CDC73: variants seen among roughly 807,000 people sequenced by gnomAD.
CDC73 encodes cell division cycle 73.
In CDC73, 21 loss-of-function variants were observed where a neutral mutation model predicts 83.7. The observed-to-expected ratio is 0.25, with a 90% CI of 0.18 to 0.36. The LOEUF is 0.36. Among genes scored for constraint, CDC73 ranks in the 10% least tolerant of loss-of-function variants. The pLI is 1.00. For synonymous variants in CDC73, 224 were observed against 212.9 expected (o/e 1.05, Z -0.45); for missense variants, 342 against 653.3 (o/e 0.52, Z 5.19).
chr1:193,204,776 A>G (rs1677158741), intron 11 of CDC73, among the ~76,000 whole-genome samples: 1 of 152,232 alleles, frequency 6.6e-6, no homozygotes, highest in Non-Finnish European at 1.5e-5. Context: ...TTTTAGAAAC[A>G]TGTTTTAAAA....
At chr1:193,241,178 T>A (rs1041944541) in intron 15 of CDC73, among the ~76,000 whole-genome samples, 3 of 152,216 alleles carry the variant, frequency 2.0e-5, no homozygotes, top group Admixed American at 2.0e-4. Flanking sequence ...AGGGGAGGAC[T>A]TTTCCCCGAA....
Position 193,233,184 on chromosome 1 carries a change from C to CA in CDC73, c.1316+31dup, listed in dbSNP as rs769599418. The CA allele has an allele frequency of 7.0e-6, 11 of 1,582,412 alleles. No homozygotes were observed. The East Asian group carries it at 2.0e-4, about 29-fold the overall frequency. On this transcript the variant is annotated intron_variant, in intron 14 of 16. Transcript: ENST00000367435. ...GATAGTCTCTATATATATATCTTTT[C>CA]ACAGGTGTTGAACCCAAGAGAATGA... is the stretch of plus-strand genomic sequence containing the variant.
chr1:193,122,339 C>T lies in CDC73; in HGVS notation c.131+8C>T, dbSNP rs1675466806. The T allele has an allele frequency of 6.2e-7, 1 of 1,613,948 alleles. No individual in the cohort carries two copies. Among genetic ancestry groups the T allele is most frequent in the Middle Eastern group, 1.6e-4 (1 of 6,062 alleles). On this transcript the variant is annotated splice_region_variant and intron_variant, in intron 1 of 16. Coordinates refer to ENST00000367435, the MANE Select transcript of CDC73 (RefSeq NM_024529.5). ...CAACTATGTTGTTTGGGGGTAAGTC[C>T]GGCATGGCTGTGGCCCAGGGGTGGC...
chr1:193,251,650 A>G lies in CDC73; in HGVS notation c.*938A>G, dbSNP rs1332600514. The G allele has an allele frequency of 4.3e-6, 1 of 232,162 alleles. No homozygotes were observed. The highest frequency in any genetic ancestry group is 8.5e-6 in the Non-Finnish European group (1 of 117,104). The allele number at this position is 232,162 out of a possible 1,614,324, so 14.4% of individuals were successfully genotyped here. The stretch of plus-strand genomic sequence containing the variant: ...ATTGATAAACTCCCAGGCACCAAAG[A>G]AAACATTTGCTTAATTGTCTGAAAA... On this transcript the variant is annotated 3_prime_UTR_variant, in exon 17 of 17. Transcript: ENST00000367435.
At chr1:193,184,631 A>G (rs1485084362) in intron 10 of CDC73, among the ~76,000 whole-genome samples, 1 of 151,974 alleles carries the variant, frequency 6.6e-6, no homozygotes, top group Non-Finnish European at 1.5e-5. Flanking sequence ...GGTTTAATAG[A>G]AAAACTTACA....
Position 193,250,689 on chromosome 1 carries a change from C to T in CDC73, c.1573C>T (p.His525Tyr). Residue 525 changes from histidine (H) to tyrosine (Y), a missense_variant, in exon 17 of 17, where the codon CAT becomes TAT. Physicochemically the swap from His to Tyr is moderately conservative, Grantham distance 83. Coordinates refer to ENST00000367435, the MANE Select transcript of CDC73 (RefSeq NM_024529.5). ...TATTTTTTTCAGGTACATGGTAAAG[C>T]ATAAATCGCACTTGAGATTCTGAAT... ...WETLDRYMVK[H>Y]KSHLRF is the part of the protein sequence containing the mutation. 6.2e-7 allele frequency: 1 copy of T among 1,608,206 alleles called. No individual in the cohort carries two copies. Among genetic ancestry groups the T allele is most frequent in the Non-Finnish European group, 8.5e-7 (1 of 1,175,376 alleles).
intron 13 of CDC73, among the ~76,000 whole-genome samples, chr1:193,216,240 A>T (rs1677364794): frequency 6.6e-6 from 1 of 152,160 alleles, no homozygotes; most frequent in Admixed American, 6.5e-5. Context: ...CAATAAACAC[A>T]ATCAGAAATG....
chr1:193,178,348 A>G (rs1434604847), intron 10 of CDC73, among the ~76,000 whole-genome samples: 1 of 152,148 alleles, frequency 6.6e-6, no homozygotes, highest in African/African-American at 2.4e-5. Flanking sequence ...AACTTGAGAT[A>G]GGAAGAATTT....
At chr1:193,223,991 T>G (rs555788732) in intron 13 of CDC73, among the ~76,000 whole-genome samples, 53 of 152,104 alleles carry the variant, frequency 3.5e-4, no homozygotes, top group African/African-American at 1.0e-3. Context: ...AACATTTATC[T>G]TTATGTTGGA....
intron 15 of CDC73, among the ~76,000 whole-genome samples, chr1:193,240,083 G>A (rs1033170810): frequency 4.0e-5 from 6 of 151,714 alleles, no homozygotes; most frequent in African/African-American, 1.5e-4. Flanking sequence ...AACTTTTAAC[G>A]TTCCCACATA....
At position 193,210,215 on chromosome 1, in the gene CDC73, C is replaced by T. The variant is rs371020777; in HGVS notation, c.1031-1850C>T. On this transcript the variant is annotated intron_variant, in intron 11 of 16. Transcript: ENST00000367435. ...GCTGGGAAGGTCATACTACTGAATC[C>T]TATGACAGTTTATCACAATGAGAGA... 8.4e-4 allele frequency among the ~76,000 whole-genome samples: 128 copies of T among 152,240 alleles called. 3 individuals are homozygous for T. In the South Asian group the frequency reaches 0.025, roughly 30 times the overall value.
chr1:193,181,594 A>G, intron 10 of CDC73: 2 of 1,518,906 alleles, frequency 1.3e-6, no homozygotes, highest in East Asian at 2.3e-5. Flanking sequence ...TATATGAGAG[A>G]TTGGTGACCA....
At chr1:193,193,890 C>T (rs1392232560) in intron 10 of CDC73, among the ~76,000 whole-genome samples, 2 of 151,084 alleles carry the variant, frequency 1.3e-5, no homozygotes, top group Non-Finnish European at 2.9e-5. Context: ...TTCAGTGTAG[C>T]TTCCTCAGTC....
chr1:193,182,981 A>C (rs951649940), intron 10 of CDC73, among the ~76,000 whole-genome samples: 8 of 152,050 alleles, frequency 5.3e-5, no homozygotes, highest in Non-Finnish European at 1.0e-4. Flanking sequence ...TTGAAATTAC[A>C]GTGTATGCAT....
intron 15 of CDC73, among the ~76,000 whole-genome samples, chr1:193,248,291 T>C (rs1677986982): frequency 6.6e-6 from 1 of 152,094 alleles, no homozygotes. Context: ...AGTGAATATT[T>C]TAAGGCCACT....
At chr1:193,172,089 T>C (rs1676526381) in intron 10 of CDC73, among the ~76,000 whole-genome samples, 1 of 152,056 alleles carries the variant, frequency 6.6e-6, no homozygotes, top group Non-Finnish European at 1.5e-5. Context: ...CACACCTGGC[T>C]AATATTTGTA....
At chr1:193,222,058 C>G (rs896730907) in intron 13 of CDC73, among the ~76,000 whole-genome samples, 1 of 151,940 alleles carries the variant, frequency 6.6e-6, no homozygotes, top group Non-Finnish European at 1.5e-5. Flanking sequence ...AATAATAAAA[C>G]CCTTTAACAT....
At chr1:193,234,171 T>A (rs1246581464) in intron 14 of CDC73, among the ~76,000 whole-genome samples, 1 of 75,670 alleles carries the variant, frequency 1.3e-5, no homozygotes, top group African/African-American at 4.8e-5. Context: ...TCTCTCTCTC[T>A]CTCTCACACA....
intron 10 of CDC73, among the ~76,000 whole-genome samples, chr1:193,153,954 G>T (rs1306409680): frequency 6.6e-6 from 1 of 152,198 alleles, no homozygotes; most frequent in Admixed American, 6.5e-5. Flanking sequence ...GCAACAGCAA[G>T]GAGGCCAGTG....
Sources: allele counts gnomAD v4.1 joint callset (sites outside exome capture counted in the v4.1 genomes callset), GRCh38; gene constraint gnomAD v4.1.1; transcripts MANE v1.5; gene names NCBI Gene and HGNC (gene_info 2026-07-23, HGNC 2026-07-21).